Variants in SHANK1 observed in about 807,000 individuals in gnomAD.
SHANK1 encodes the protein SH3 and multiple ankyrin repeat domains 1, also known as SH3 and multiple ankyrin repeat domains protein 1.
Under a neutral mutation model 165.6 loss-of-function variants are expected in SHANK1, and 35 were observed. The observed-to-expected ratio is 0.21, with a 90% CI of 0.16 to 0.28. The LOEUF (loss-of-function observed/expected upper bound fraction) is 0.28, where lower values mean the gene tolerates loss of function less well. SHANK1 is among the 10% of genes least tolerant of loss of function. The pLI is 1.00. For missense variants in SHANK1, 2,681 were observed against 3,036.4 expected (o/e 0.88, Z 2.75); for synonymous variants, 1,428 against 1,384.8 (o/e 1.03, Z -0.69).
chr19:50,688,982 G>A lies in SHANK1; in HGVS notation c.2048-14C>T. On this transcript the variant is annotated splice_polypyrimidine_tract_variant and intron_variant, in intron 16 of 23. Transcript: ENST00000293441. This position sits in a 1 kb window ranked among gnomAD's most constrained non-coding sequence, Gnocchi z 6.7. The stretch of plus-strand genomic sequence containing the variant: ...TGGGGGTCTGCGCTGCAGACAGGGA[G>A]GAGCCGGCGGGGTCGGAGGGGAGGG... 3.3e-6 allele frequency: 5 copies of A among 1,534,904 alleles called. No homozygotes were observed. Among genetic ancestry groups the A allele is most frequent in the Non-Finnish European group, 4.4e-6 (5 of 1,133,940 alleles).
At position 50,702,117 on chromosome 19, in the gene SHANK1, C is replaced by T. The variant is rs1680631908; in HGVS notation, c.1747+350G>A. ...GAGGACCTTGGGCAAGTGGCTTCAC[C>T]TGTGTGAGGTTCTGTTCCTTCAACC... On this transcript the variant is annotated intron_variant, in intron 12 of 23. Transcript: ENST00000293441. The surrounding 1 kb of genome is among the most constrained non-coding windows in gnomAD (Gnocchi z 5.3). Among the ~76,000 whole-genome samples the T allele has an allele frequency of 6.6e-6, 1 of 150,864 alleles. No individual in the cohort carries two copies. Among genetic ancestry groups the T allele is most frequent in the Non-Finnish European group, 1.5e-5 (1 of 67,870 alleles).
rs1018198753 is a variant in SHANK1 at position 50,719,741 on chromosome 19, C to T, written c.-379G>A. Among the ~76,000 whole-genome samples the T allele has an allele frequency of 2.6e-5, 4 of 151,190 alleles. No homozygotes were observed. Among genetic ancestry groups the T allele is most frequent in the Non-Finnish European group, 4.4e-5 (3 of 67,520 alleles). ...CTCCTCCTCTTCCTCGGGCCGCCGC[C>T]GCCGCCGCCCGCTCCGCGCCTCCTC... On this transcript the variant is annotated 5_prime_UTR_variant, in exon 1 of 24. Coordinates refer to ENST00000293441, the MANE Select transcript of SHANK1 (RefSeq NM_016148.5).
chr19:50,688,074 C>A lies in SHANK1; in HGVS notation c.2173-16G>T, dbSNP rs529650821. 20 of 1,613,716 alleles carry A rather than the reference C, an allele frequency of 1.2e-5. No individual in the cohort carries two copies. In the East Asian group the frequency reaches 3.8e-4, roughly 31 times the overall value. ...GCCCGTTCACCTGTGGCACAGACAC[C>A]CCCAGATCACACAGAGTAGACGAGG... On this transcript the variant is annotated splice_polypyrimidine_tract_variant and intron_variant, in intron 17 of 23. Coordinates refer to ENST00000293441, the MANE Select transcript of SHANK1 (RefSeq NM_016148.5). This position sits in a 1 kb window ranked among gnomAD's most constrained non-coding sequence, Gnocchi z 6.7.
intron 4 of SHANK1, among the ~76,000 whole-genome samples, chr19:50,714,577 C>T (rs534792314): frequency 4.4e-4 from 67 of 151,942 alleles, no homozygotes; most frequent in Middle Eastern, 3.4e-3. Context: ...CGCCTGTAGT[C>T]CCAGCTACTC....
rs1985284377 is a variant in SHANK1, at chr19:50,662,408, G to A, written c.6043C>T (p.Pro2015Ser). 1 of 1,566,272 alleles carries A rather than the reference G, an allele frequency of 6.4e-7. No homozygotes were observed. Among genetic ancestry groups the A allele is most frequent in the Non-Finnish European group, 8.7e-7 (1 of 1,155,834 alleles). ...AGGATGGGCAGGGACGAGGGCCTGG[G>A]CGCAGGGCTGACCTTGTGCTCCGAG... ...PASEHKVSPA[P>S]RPSSLPILPS... Residue 2015 changes from proline to serine, a missense_variant, in exon 24 of 24, where the codon CCC becomes TCC. Transcript: ENST00000293441. This position sits in a 1 kb window ranked among gnomAD's most constrained non-coding sequence, Gnocchi z 7.7.
intron 21 of SHANK1, among the ~76,000 whole-genome samples, chr19:50,683,686 A>G (rs1008727412): frequency 2.0e-5 from 3 of 152,190 alleles, no homozygotes; most frequent in African/African-American, 4.8e-5. Flanking sequence ...TTCACAGTAT[A>G]AGAGCCGAAA....
chr19:50,667,063 T>G lies in SHANK1; in HGVS notation c.4897A>C (p.Thr1633Pro). 6.4e-7 allele frequency: 1 copy of G among 1,551,066 alleles called. No homozygotes were observed. The highest frequency in any genetic ancestry group is 8.7e-7 in the Non-Finnish European group (1 of 1,152,928). The change falls in exon 23 of 24, where the codon ACC becomes CCC. Residue 1633 changes from threonine to proline, a missense_variant. Thr to Pro is a conservative substitution (Grantham distance 38). Coordinates refer to ENST00000293441, the MANE Select transcript of SHANK1 (RefSeq NM_016148.5). The surrounding 1 kb of genome is among the most constrained non-coding windows in gnomAD (Gnocchi z 5.7). Reference protein sequence around the residue: ...SLTSYDSEVATLTQGASAAPG... With the variant: ...SLTSYDSEVAPLTQGASAAPG... ...GCGGCGGAGGCCCCCTGGGTCAGGG[T>G]GGCCACCTCGCTGTCATAGGATGTC...
intron 23 of SHANK1, among the ~76,000 whole-genome samples, chr19:50,664,189 A>G (rs538552454): frequency 3.3e-5 from 5 of 149,556 alleles, no homozygotes; most frequent in Admixed American, 1.3e-4. Context: ...CCCTGAACCC[A>G]CATTTGAAGG....
In SHANK1 at chr19:50,697,128, G is replaced by A. The variant is rs766813182; in HGVS notation, c.1938-6C>T. The A allele has an allele frequency of 5.4e-5, 87 of 1,612,830 alleles. No individual in the cohort carries two copies. In the South Asian group the frequency reaches 8.1e-4, roughly 15 times the overall value. Reference sequence around the variant, plus strand: ...GGCCAATCCCATCCATTAAGCTTCCGAAGCAAGTCAGCCAGCAGCCAGGGA... The same window carrying A: ...GGCCAATCCCATCCATTAAGCTTCCAAAGCAAGTCAGCCAGCAGCCAGGGA... On this transcript the variant is annotated splice_polypyrimidine_tract_variant and splice_region_variant and intron_variant, in intron 14 of 23. Coordinates refer to ENST00000293441, the MANE Select transcript of SHANK1 (RefSeq NM_016148.5). This position sits in a 1 kb window ranked among gnomAD's most constrained non-coding sequence, Gnocchi z 4.7.
rs963918961 is a variant in SHANK1 at position 50,660,092 on chromosome 19, G to T, written c.*1873C>A. Among the ~76,000 whole-genome samples the T allele has an allele frequency of 6.8e-6, 1 of 147,682 alleles. No homozygotes were observed. Among genetic ancestry groups the T allele is most frequent in the Admixed American group, 6.6e-5 (1 of 15,090 alleles). ...GGGAATGGGCTTGGGGAAGGAGGGGGAGCTCCCTTCTTTGGCAGCTGAACA... is the reference window on the plus strand; with the variant it reads ...GGGAATGGGCTTGGGGAAGGAGGGGTAGCTCCCTTCTTTGGCAGCTGAACA... On this transcript the variant is annotated 3_prime_UTR_variant, in exon 24 of 24. Transcript: ENST00000293441.
Position 50,668,310 on chromosome 19 carries a change from G to T in SHANK1, c.3650C>A (p.Pro1217His). 2 of 1,289,124 alleles carry T rather than the reference G, an allele frequency of 1.6e-6. No homozygotes were observed. Among genetic ancestry groups the T allele is most frequent in the East Asian group, 3.1e-5 (1 of 31,760 alleles). 79.9% of individuals were successfully genotyped at this position (1,289,124 alleles called of 1,614,324 possible). A position where few individuals can be genotyped will look rare whatever the true frequency, so the allele number is the denominator to read the frequency against. ...VPPSPSPVPT[P>H]ASPSGPATLD... is the part of the protein sequence containing the mutation. ...CGTGGCCGGGCCGCTGGGCGAGGCG[G>T]GGGTGGGCACGGGCGAGGGGGACGG... Residue 1217 changes from proline to histidine, a missense_variant, in exon 23 of 24, where the codon CCC becomes CAC. Transcript: ENST00000293441.
Position 50,667,447 on chromosome 19 carries a change from T to C in SHANK1, c.4513A>G (p.Thr1505Ala). 6.5e-7 allele frequency: 1 copy of C among 1,528,438 alleles called. No individual in the cohort carries two copies. The highest frequency in any genetic ancestry group is 8.7e-7 in the Non-Finnish European group (1 of 1,146,722). The allele number at this position is 1,528,438 out of a possible 1,614,324, so 94.7% of individuals were successfully genotyped here. Reference protein sequence around the residue: ...LENCQPRAPVTSGRGPPSEDG... With the variant: ...LENCQPRAPVASGRGPPSEDG... ...TCCGAGGGGGGACCCCTTCCGCTCGTCACAGGGGCCCGGGGCTGGCAGTTT... is the reference window on the plus strand; with the variant it reads ...TCCGAGGGGGGACCCCTTCCGCTCGCCACAGGGGCCCGGGGCTGGCAGTTT... Residue 1505 changes from threonine to alanine, a missense_variant, in exon 23 of 24, where the codon ACG becomes GCG. Physicochemically the swap from Thr to Ala is moderately conservative, Grantham distance 58. Coordinates refer to ENST00000293441, the MANE Select transcript of SHANK1 (RefSeq NM_016148.5). The surrounding 1 kb of genome is among the most constrained non-coding windows in gnomAD (Gnocchi z 5.7).
chr19:50,707,886 C>CTTTTCTTTTCTT (rs1473962271), intron 8 of SHANK1, among the ~76,000 whole-genome samples: 2 of 17,640 alleles, frequency 1.1e-4, no homozygotes, highest in South Asian at 2.3e-3. Context: ...TTTTTCTTTT[C>CTTTTCTTTTCTT]TTTTCTTTTC....
Position 50,668,128 on chromosome 19 carries a change from G to T in SHANK1, c.3832C>A (p.Pro1278Thr). Reference sequence around the variant, plus strand: ...TTGGAGTGGCGCAGCCGCGGGCCCGGGGCCGCCCCTGTGCCCAGCCCGCCG... The same window carrying T: ...TTGGAGTGGCGCAGCCGCGGGCCCGTGGCCGCCCCTGTGCCCAGCCCGCCG... Reference protein sequence around the residue: ...GDGGLGTGAAPGPRLRHSKSI... With the variant: ...GDGGLGTGAATGPRLRHSKSI... Residue 1278 changes from proline to threonine, a missense_variant, in exon 23 of 24, where the codon CCG (proline) becomes ACG (threonine). By Grantham distance (38) the Pro-to-Thr change is conservative. Around this residue, in one of 10 missense-constraint regions of SHANK1, gnomAD observed 1,713 missense variants for 1,630.2 expected, o/e 1.05. Transcript: ENST00000293441. 1.4e-6 allele frequency: 2 copies of T among 1,476,280 alleles called. No homozygotes were observed. Among genetic ancestry groups the T allele is most frequent in the Non-Finnish European group, 1.8e-6 (2 of 1,119,678 alleles). The allele number at this position is 1,476,280 out of a possible 1,614,324, so 91.4% of individuals were successfully genotyped here. A position where few individuals can be genotyped will look rare whatever the true frequency, so the allele number is the denominator to read the frequency against.
chr19:50,669,674 G>C (rs949357421), intron 22 of SHANK1, among the ~76,000 whole-genome samples: 2 of 152,052 alleles, frequency 1.3e-5, no homozygotes, highest in Non-Finnish European at 2.9e-5. Context: ...TTCTTTTCAC[G>C]TATATGCGGG....
At chr19:50,666,024 G>GA (rs111296421) in intron 23 of SHANK1, among the ~76,000 whole-genome samples, 168 bp downstream of exon 23, 1,494 of 124,352 alleles carry the variant, frequency 0.012, 21 homozygotes, top group African/African-American at 0.039. Context: ...GAAAAGAAAA[G>GA]AAAAAAAAAA....
chr19:50,669,508 G>A (rs1985712534), intron 22 of SHANK1, among the ~76,000 whole-genome samples: 4 of 152,160 alleles, frequency 2.6e-5, no homozygotes, highest in Non-Finnish European at 5.9e-5. Context: ...CGCAAGGAAG[G>A]TGAGGAAACT....
intron 9 of SHANK1, 83 bp from the exon 10 acceptor site, chr19:50,704,269 C>A: frequency 6.9e-7 from 1 of 1,441,316 alleles, no homozygotes; most frequent in Non-Finnish European, 9.8e-7. Context: ...GGTCCCTGGC[C>A]CGACCCAAAC....
intron 23 of SHANK1, among the ~76,000 whole-genome samples, chr19:50,665,901 C>CGCATTCCTGTA (rs1200911536): frequency 3.4e-5 from 5 of 148,696 alleles, no homozygotes; most frequent in African/African-American, 1.3e-4. Context: ...GGTGTGGTGG[C>CGCATTCCTGTA]ATGGGAGGCT....
Sources: allele counts gnomAD v4.1 joint callset (sites outside exome capture counted in the v4.1 genomes callset), GRCh38; gene constraint gnomAD v4.1.1; regional missense constraint gnomAD v4.1.1; non-coding constraint Gnocchi (gnomAD v3.1); transcripts MANE v1.5; gene names NCBI Gene and HGNC (gene_info 2026-07-23, HGNC 2026-07-21).